The following SYNJ2BP variants were observed in gnomAD, a reference collection of about 807,000 sequenced individuals.
SYNJ2BP encodes synaptojanin-2-binding protein.
A neutral mutation model predicts 16.9 loss-of-function variants in SYNJ2BP; 10 were observed. That is an observed-to-expected ratio of 0.59 (90% confidence interval 0.36 to 1.00). The LOEUF is 1.00. Ranked by LOEUF, SYNJ2BP falls within the 50% of genes least tolerant of loss-of-function variation. The probability of loss-of-function intolerance (pLI) is 0.01; values close to 1 mark genes in which losing one functional copy is unlikely to be tolerated. For synonymous variants in SYNJ2BP, 54 were observed against 68.4 expected, an observed-to-expected ratio of 0.79 and a Z score of 1.04; for missense variants, 162 against 186.7, an observed-to-expected ratio of 0.87 and a Z score of 0.77.
chr14:70,381,874 T>C (rs964117275), intron 2 of SYNJ2BP, among the ~76,000 whole-genome samples: 2 of 152,244 alleles, frequency 1.3e-5, no homozygotes, highest in African/African-American at 4.8e-5. Flanking sequence ...TCTACAGATT[T>C]CATTAGTACT....
intron 2 of SYNJ2BP, among the ~76,000 whole-genome samples, chr14:70,383,194 T>A (rs1026400253): frequency 1.3e-5 from 2 of 152,200 alleles, no homozygotes; most frequent in Non-Finnish European, 2.9e-5. Context: ...CAGGACTAGA[T>A]GCTGGAGATA....
intron 2 of SYNJ2BP, among the ~76,000 whole-genome samples, chr14:70,376,684 G>C (rs1887637724): frequency 1.3e-5 from 2 of 152,338 alleles, no homozygotes; most frequent in Admixed American, 6.5e-5. Context: ...CTATGAGGTA[G>C]ACATTATTTT....
chr14:70,412,021 G>T (rs542563697), intron 1 of SYNJ2BP, among the ~76,000 whole-genome samples: 1 of 152,296 alleles, frequency 6.6e-6, no homozygotes, highest in East Asian at 1.9e-4. Context: ...AAAACTGCTA[G>T]CAACAGTTTC....
rs1046088315 is a variant in SYNJ2BP, at chr14:70,367,293, T to C, written c.*5698A>G. The stretch of plus-strand genomic sequence containing the variant: ...ATAAATTACATAATACAAGAGTCTG[T>C]GGCAGTTAAGAATCTGGTTCTGCAC... On this transcript the variant is annotated 3_prime_UTR_variant, in exon 4 of 4. Transcript: ENST00000256366. The C allele has an allele frequency of 5.3e-5, 8 of 152,094 alleles. 1 individual carries two copies. The highest frequency in any genetic ancestry group is 1.9e-4 in the African/African-American group (8 of 41,418). The allele number at this position is 152,094 out of a possible 1,614,324, so 9.4% of individuals were successfully genotyped here.
intron 1 of SYNJ2BP, among the ~76,000 whole-genome samples, chr14:70,406,456 A>C (rs1355420182): frequency 6.6e-6 from 1 of 152,170 alleles, no homozygotes; most frequent in Non-Finnish European, 1.5e-5. Flanking sequence ...TGCTGAAATA[A>C]ACCCCCTTCT....
chr14:70,375,205 CTT>C (rs201793770), intron 3 of SYNJ2BP, among the ~76,000 whole-genome samples: 18 of 121,160 alleles, frequency 1.5e-4, no homozygotes, highest in Non-Finnish European at 2.3e-4. Flanking sequence ...CTCTTTTTTT[CTT>C]TTTTTTTTTT....
At chr14:70,412,281 G>T (rs1330689856) in intron 1 of SYNJ2BP, among the ~76,000 whole-genome samples, 1 of 152,198 alleles carries the variant, frequency 6.6e-6, no homozygotes, top group East Asian at 1.9e-4. Context: ...CATGGCTACT[G>T]CAGTGGAAAG....
intron 1 of SYNJ2BP, among the ~76,000 whole-genome samples, chr14:70,415,667 A>G (rs1306260986): frequency 1.3e-5 from 2 of 152,032 alleles, no homozygotes; most frequent in African/African-American, 4.8e-5. Flanking sequence ...AAGCTACTGC[A>G]GAACTGCAGA....
In SYNJ2BP at chr14:70,369,733, A is replaced by G. The variant is rs1359952174; in HGVS notation, c.*3258T>C. 1.3e-5 allele frequency: 2 copies of G among 152,378 alleles called. No individual in the cohort carries two copies. Among genetic ancestry groups the G allele is most frequent in the East Asian group, 1.9e-4 (1 of 5,194 alleles). 9.4% of individuals were successfully genotyped at this position (152,378 alleles called of 1,614,324 possible). The stretch of plus-strand genomic sequence containing the variant: ...TAGATGGAACAATTAAGTTAAATCG[A>G]TAACACATAAGTTGAAACTTCACAG... On this transcript the variant is annotated 3_prime_UTR_variant, in exon 4 of 4. Coordinates refer to ENST00000256366, the MANE Select transcript of SYNJ2BP (RefSeq NM_018373.3).
chr14:70,375,883 G>A, intron 2 of SYNJ2BP, 112 bp from the exon 3 acceptor site: 1 of 1,363,656 alleles, frequency 7.3e-7, no homozygotes, highest in Non-Finnish European at 9.9e-7. Context: ...AAATTGCAAG[G>A]ACTAGGAGTA....
At chr14:70,405,283 A>G (rs1211381775) in intron 1 of SYNJ2BP, among the ~76,000 whole-genome samples, 1 of 152,202 alleles carries the variant, frequency 6.6e-6, no homozygotes, top group African/African-American at 2.4e-5. Flanking sequence ...GAATGAATGA[A>G]TGATAATGGG....
At chr14:70,416,650 A>G (rs1241794017) in intron 1 of SYNJ2BP, among the ~76,000 whole-genome samples, 4 of 152,248 alleles carry the variant, frequency 2.6e-5, no homozygotes, top group Non-Finnish European at 5.9e-5. Context: ...CACGATTTGC[A>G]CAAAGAACCC....
intron 2 of SYNJ2BP, among the ~76,000 whole-genome samples, chr14:70,382,163 G>A (rs1388181692): frequency 6.6e-6 from 1 of 152,196 alleles, no homozygotes; most frequent in African/African-American, 2.4e-5. Flanking sequence ...GTGAACCCGG[G>A]AGGCAGAGCT....
intron 2 of SYNJ2BP, 149 bp downstream of exon 2, chr14:70,388,321 A>G (rs1296665751): frequency 3.2e-6 from 4 of 1,253,430 alleles, no homozygotes; most frequent in African/African-American, 1.5e-5. Flanking sequence ...ATAGGGTTGG[A>G]AAGAATGACT....
intron 1 of SYNJ2BP, among the ~76,000 whole-genome samples, chr14:70,401,909 C>G (rs752883506): frequency 2.0e-4 from 31 of 152,258 alleles, no homozygotes; most frequent in Non-Finnish European, 4.3e-4. Context: ...CTCCGCCTCC[C>G]AAACAGTTAG....
intron 1 of SYNJ2BP, among the ~76,000 whole-genome samples, chr14:70,396,462 G>T (rs1259260732): frequency 6.6e-6 from 1 of 152,028 alleles, no homozygotes; most frequent in Non-Finnish European, 1.5e-5. Flanking sequence ...TGGAATTGCA[G>T]AATCACATGG....
chr14:70,370,647 GTGA>G lies in SYNJ2BP; in HGVS notation c.*2341_*2343del, dbSNP rs1477864237. ...TTTCCCTGAATTTCTAAAAGAAAAT[GTGA>G]TGATTACCTGCATATCTTCTTTGTT... On this transcript the variant is annotated 3_prime_UTR_variant, in exon 4 of 4. Transcript: ENST00000256366. 1.3e-5 allele frequency: 2 copies of G among 152,128 alleles called. No individual in the cohort carries two copies. The highest frequency in any genetic ancestry group is 4.8e-5 in the African/African-American group (2 of 41,412). The allele number at this position is 152,128 out of a possible 1,614,324, so 9.4% of individuals were successfully genotyped here. A position where few individuals can be genotyped will look rare whatever the true frequency, so the allele number is the denominator to read the frequency against.
intron 2 of SYNJ2BP, among the ~76,000 whole-genome samples, chr14:70,383,806 G>A (rs1887801091): frequency 2.0e-5 from 3 of 152,024 alleles, no homozygotes; most frequent in South Asian, 2.1e-4. Flanking sequence ...TCCAGCCTTC[G>A]TAATAGCCAT....
chr14:70,390,407 G>T (rs556992156), intron 1 of SYNJ2BP, among the ~76,000 whole-genome samples: 1 of 151,972 alleles, frequency 6.6e-6, no homozygotes. Context: ...GGTGGCTCAC[G>T]ACTGTAATCC....
Sources: gnomAD v4.1 joint callset for allele counts (sites outside exome capture counted in the v4.1 genomes callset) on GRCh38, gnomAD v4.1.1 for gene constraint, MANE v1.5 for transcripts, NCBI Gene and HGNC (gene_info 2026-07-23, HGNC 2026-07-21) for gene names.